Variants in LGR6 observed in about 807,000 individuals in gnomAD.
LGR6 encodes the protein leucine-rich repeat-containing G protein-coupled receptor 6.
Under a neutral mutation model 69.4 loss-of-function variants are expected in LGR6, and 45 were observed. The ratio of observed to expected loss-of-function variants is 0.65; its 90% CI spans 0.51 to 0.83. LGR6 has a LOEUF of 0.83. LGR6 is among the 40% of genes least tolerant of loss of function. LGR6 has a pLI of 0.00. For missense variants in LGR6, 1,108 were observed against 1,246.7 expected (o/e 0.89, Z 1.68); for synonymous variants, 538 against 555.0 (o/e 0.97, Z 0.43).
chr1:202,303,369 A>G (rs771971398), intron 10 of LGR6, 22 bp downstream of exon 10: 2 of 1,592,584 alleles, frequency 1.3e-6, no homozygotes, highest in Non-Finnish European at 1.7e-6. Flanking sequence ...CTCTCTCCCT[A>G]CCTTATCTAT....
chr1:202,306,992 C>T, intron 13 of LGR6, 53 bp downstream of exon 13: 1 of 1,450,362 alleles, frequency 6.9e-7, no homozygotes, highest in Non-Finnish European at 9.7e-7. Flanking sequence ...TGTCCCTCTG[C>T]TAGGCATGCT....
At chr1:202,270,875 G>A (rs1665040355) in intron 4 of LGR6, among the ~76,000 whole-genome samples, 1 of 152,154 alleles carries the variant, frequency 6.6e-6, no homozygotes, top group African/African-American at 2.4e-5. Flanking sequence ...TGGAGGGAAG[G>A]GTCCCCTTCC....
chr1:202,260,061 T>G (rs565563059), intron 4 of LGR6, among the ~76,000 whole-genome samples: 4 of 152,284 alleles, frequency 2.6e-5, no homozygotes, highest in Admixed American at 1.3e-4. Flanking sequence ...ATTATTATGG[T>G]TTTCTGAGAC....
At chr1:202,271,821 A>AG (rs201236579) in intron 4 of LGR6, among the ~76,000 whole-genome samples, 3 of 120,738 alleles carry the variant, frequency 2.5e-5, no homozygotes, top group East Asian at 2.5e-4. Context: ...AAAAAAAAAA[A>AG]AAAAAAAAGA....
chr1:202,197,193 G>C (rs1658672693), intron 1 of LGR6: 1 of 481,216 alleles, frequency 2.1e-6, no homozygotes, highest in African/African-American at 2.0e-5. Context: ...CTCCACGGCT[G>C]TGAGATTTTC....
intron 4 of LGR6, among the ~76,000 whole-genome samples, chr1:202,263,569 G>T (rs1664407002): frequency 6.6e-6 from 1 of 152,188 alleles, no homozygotes; most frequent in Non-Finnish European, 1.5e-5. Context: ...TAGGCTAGAG[G>T]AGAGGGATTA....
At chr1:202,302,746 C>T (rs913286998) in intron 9 of LGR6, among the ~76,000 whole-genome samples, 4 of 152,036 alleles carry the variant, frequency 2.6e-5, no homozygotes, top group Admixed American at 6.6e-5. Flanking sequence ...GGGGTTTCAC[C>T]ATGTTGGCCA....
chr1:202,316,475 C>A (rs191347627), intron 17 of LGR6, among the ~76,000 whole-genome samples: 196 of 152,332 alleles, frequency 1.3e-3, no homozygotes, highest in African/African-American at 4.1e-3. Flanking sequence ...TCCCACTAGG[C>A]CCCACCTCCA....
At chr1:202,249,604 A>G (rs1318412336) in intron 4 of LGR6, among the ~76,000 whole-genome samples, 3 of 152,174 alleles carry the variant, frequency 2.0e-5, no homozygotes, top group African/African-American at 7.2e-5. Flanking sequence ...ATCATCTCCT[A>G]TGCATATTCC....
chr1:202,317,295 C>A (rs1051496701), intron 17 of LGR6, among the ~76,000 whole-genome samples: 1 of 151,936 alleles, frequency 6.6e-6, no homozygotes, highest in African/African-American at 2.4e-5. Context: ...TCCTCAATAT[C>A]TGGGTTTGTA....
intron 1 of LGR6, among the ~76,000 whole-genome samples, chr1:202,224,459 G>T (rs1469427637): frequency 6.6e-6 from 1 of 152,126 alleles, no homozygotes; most frequent in African/African-American, 2.4e-5. Context: ...ATGTGCCAAG[G>T]TGTCATGTCT....
chr1:202,220,069 AG>A (rs1482977025), intron 1 of LGR6, among the ~76,000 whole-genome samples: 1 of 151,852 alleles, frequency 6.6e-6, no homozygotes, highest in Non-Finnish European at 1.5e-5. Context: ...TAGTAGAGAC[AG>A]GGTTTCGCCA....
At chr1:202,238,786 A>T (rs568210469) in intron 4 of LGR6, among the ~76,000 whole-genome samples, 1 of 151,742 alleles carries the variant, frequency 6.6e-6, no homozygotes, top group Admixed American at 6.6e-5. Context: ...GCCTTGAAAG[A>T]CTAGTATGAA....
At chr1:202,273,804 A>C (rs1665315342) in intron 4 of LGR6, among the ~76,000 whole-genome samples, 1 of 151,796 alleles carries the variant, frequency 6.6e-6, no homozygotes, top group Non-Finnish European at 1.5e-5. Flanking sequence ...CCCTTCCCCC[A>C]TCCACACTGG....
At chr1:202,287,528 A>G (rs1666478295) in intron 6 of LGR6, among the ~76,000 whole-genome samples, 1 of 152,140 alleles carries the variant, frequency 6.6e-6, no homozygotes, top group Non-Finnish European at 1.5e-5. Context: ...CTCCAGACTT[A>G]AATATTCAAA....
At position 202,242,374 on chromosome 1, in the gene LGR6, G is replaced by T. The variant is rs1223068910; in HGVS notation, c.428+6381G>T. ...ATAATCTTTAGGATCCAGAGACTTG[G>T]GTTCAAGTCCTAGCTCTATCACTAG... On this transcript the variant is annotated intron_variant, in intron 4 of 17. Transcript: ENST00000367278. 8.5e-5 allele frequency among the ~76,000 whole-genome samples: 13 copies of T among 152,230 alleles called. No individual in the cohort carries two copies. In the East Asian group the frequency reaches 2.5e-3, roughly 29 times the overall value.
intron 14 of LGR6, among the ~76,000 whole-genome samples, chr1:202,308,083 T>C (rs1419981667): frequency 6.6e-6 from 1 of 152,180 alleles, no homozygotes; most frequent in Non-Finnish European, 1.5e-5. Context: ...AAGACTTCTT[T>C]TGGGCTAGCT....
chr1:202,317,339 G>GGT (rs527797919), intron 17 of LGR6, among the ~76,000 whole-genome samples: 54 of 128,178 alleles, frequency 4.2e-4, no homozygotes, highest in Non-Finnish European at 8.3e-4. Context: ...GTGTTTTTTT[G>GGT]TTTTTTTTTT....
At chr1:202,274,817 C>T (rs1402840329) in intron 4 of LGR6, among the ~76,000 whole-genome samples, 5 of 152,208 alleles carry the variant, frequency 3.3e-5, no homozygotes, top group African/African-American at 1.2e-4. Context: ...GCAGAGGGCA[C>T]TCACTGAAGG....
Sources: allele counts gnomAD v4.1 joint callset (sites outside exome capture counted in the v4.1 genomes callset), GRCh38; gene constraint gnomAD v4.1.1; transcripts MANE v1.5; gene names NCBI Gene and HGNC (gene_info 2026-07-23, HGNC 2026-07-21).